The following MAML2 variants were observed in gnomAD, a reference collection of about 807,000 sequenced individuals.
The protein encoded by MAML2 is mastermind-like protein 2.
A neutral mutation model predicts 96.1 loss-of-function variants in MAML2; 22 were observed. The ratio of observed to expected loss-of-function variants is 0.23; its 90% CI spans 0.16 to 0.33. The LOEUF is 0.33. Among genes scored for constraint, MAML2 ranks in the 10% least tolerant of loss-of-function variants. The probability of loss-of-function intolerance (pLI) is 1.00; values close to 1 mark genes in which losing one functional copy is unlikely to be tolerated. For missense variants in MAML2, 1,367 were observed against 1,392.4 expected (o/e 0.98, Z 0.29); for synonymous variants, 561 against 521.3 (o/e 1.08, Z -1.04).
intron 2 of MAML2, among the ~76,000 whole-genome samples, chr11:96,039,363 G>C (rs1220030420): frequency 7.0e-6 from 1 of 143,586 alleles, no homozygotes; most frequent in African/African-American, 2.6e-5. Context: ...ACAGGAGAGG[G>C]GAGGGGGATA....
At chr11:96,297,984 A>T (rs1863326401) in intron 1 of MAML2, among the ~76,000 whole-genome samples, 1 of 152,228 alleles carries the variant, frequency 6.6e-6, no homozygotes, top group African/African-American at 2.4e-5. Flanking sequence ...AGTTGAAATC[A>T]GGATCAAAAT....
At chr11:96,179,081 T>A (rs1185819417) in intron 1 of MAML2, among the ~76,000 whole-genome samples, 2 of 152,196 alleles carry the variant, frequency 1.3e-5, no homozygotes, top group Admixed American at 6.5e-5. Flanking sequence ...TGTGCAAGTG[T>A]CTGTCAAGTC....
At chr11:96,047,607 T>G (rs1858922396) in intron 2 of MAML2, among the ~76,000 whole-genome samples, 1 of 151,920 alleles carries the variant, frequency 6.6e-6, no homozygotes, top group South Asian at 2.1e-4. Context: ...AGAAAAAAAA[T>G]GTAGTTAAAA....
At chr11:96,040,134 C>G (rs1219318810) in intron 2 of MAML2, among the ~76,000 whole-genome samples, 3 of 152,070 alleles carry the variant, frequency 2.0e-5, no homozygotes, top group African/African-American at 4.8e-5. Flanking sequence ...TTTGTTCATT[C>G]ATTATATTAT....
intron 1 of MAML2, among the ~76,000 whole-genome samples, chr11:96,156,561 C>T (rs939453257): frequency 1.6e-4 from 24 of 152,170 alleles, no homozygotes; most frequent in African/African-American, 5.8e-4. Flanking sequence ...CTCATGCTTC[C>T]ATCCTTGACA....
intron 1 of MAML2, among the ~76,000 whole-genome samples, chr11:96,280,311 T>A (rs981028708): frequency 1.8e-4 from 27 of 152,314 alleles, no homozygotes; most frequent in African/African-American, 5.3e-4. Flanking sequence ...CATTTTTTTT[T>A]AAAGTCTTTA....
rs1374818123 is a variant in MAML2, at chr11:95,978,211, TTATA to T, written c.*733_*736del. 1 of 209,516 alleles carries T rather than the reference TTATA, an allele frequency of 4.8e-6. No homozygotes were observed. Among genetic ancestry groups the T allele is most frequent in the South Asian group, 1.9e-4 (1 of 5,318 alleles). The allele number at this position is 209,516 out of a possible 1,614,324, so 13.0% of individuals were successfully genotyped here. Reference sequence around the variant, plus strand: ...TCAGTATGATTAGGACAAGTCTTTGTTATATCTAAAATTTCATTTGGAATGGATT... The same window carrying T: ...TCAGTATGATTAGGACAAGTCTTTGTTCTAAAATTTCATTTGGAATGGATT... On this transcript the variant is annotated 3_prime_UTR_variant, in exon 5 of 5. Transcript: ENST00000524717.
At chr11:96,223,992 C>T (rs1862177224) in intron 1 of MAML2, among the ~76,000 whole-genome samples, 1 of 152,100 alleles carries the variant, frequency 6.6e-6, no homozygotes, top group Non-Finnish European at 1.5e-5. Context: ...ATATTTTATG[C>T]ATAAGGGAAA....
intron 1 of MAML2, among the ~76,000 whole-genome samples, chr11:96,307,888 T>C (rs774157740): frequency 6.6e-6 from 1 of 152,118 alleles, no homozygotes; most frequent in Non-Finnish European, 1.5e-5. Flanking sequence ...GAACTAATAG[T>C]GAACCCAAGG....
chr11:96,288,742 G>A (rs1346902694), intron 1 of MAML2, among the ~76,000 whole-genome samples: 3 of 152,026 alleles, frequency 2.0e-5, no homozygotes, highest in Admixed American at 6.6e-5. Flanking sequence ...AAACACTTGT[G>A]TATTATACAT....
chr11:96,330,442 A>T (rs1863837311), intron 1 of MAML2, among the ~76,000 whole-genome samples: 2 of 152,386 alleles, frequency 1.3e-5, no homozygotes, highest in East Asian at 3.9e-4. Context: ...TAACCAGTCC[A>T]AGATAACACA....
chr11:96,078,240 G>A (rs1859474780), intron 2 of MAML2, among the ~76,000 whole-genome samples: 1 of 152,184 alleles, frequency 6.6e-6, no homozygotes, highest in African/African-American at 2.4e-5. Context: ...GGCTCAATCA[G>A]TGTACACTGA....
chr11:96,254,160 C>T (rs1405239764), intron 1 of MAML2, among the ~76,000 whole-genome samples: 1 of 152,158 alleles, frequency 6.6e-6, no homozygotes, highest in Non-Finnish European at 1.5e-5. Flanking sequence ...AAAACAAAAA[C>T]AGTCATCGGA....
At chr11:96,035,901 T>TA (rs1256152875) in intron 2 of MAML2, among the ~76,000 whole-genome samples, 2 of 152,168 alleles carry the variant, frequency 1.3e-5, no homozygotes, top group Non-Finnish European at 2.9e-5. Flanking sequence ...ACCTCTCTGA[T>TA]ACACGTGCTG....
At chr11:95,990,386 G>A (rs1857891039) in intron 3 of MAML2, among the ~76,000 whole-genome samples, 1 of 152,018 alleles carries the variant, frequency 6.6e-6, no homozygotes, top group African/African-American at 2.4e-5. Flanking sequence ...ACCTTGGCAG[G>A]CATAATATGT....
At chr11:96,015,584 A>AGT (rs1554996033) in intron 2 of MAML2, among the ~76,000 whole-genome samples, 2 of 55,286 alleles carry the variant, frequency 3.6e-5, no homozygotes, top group African/African-American at 5.4e-5. Flanking sequence ...AAAAAAAAAA[A>AGT]GGGGGGGGGG....
At chr11:96,034,432 T>TGTGTGTGAGACAGAGAGA (rs549312275) in intron 2 of MAML2, among the ~76,000 whole-genome samples, 1 of 135,656 alleles carries the variant, frequency 7.4e-6, no homozygotes, top group Non-Finnish European at 1.6e-5. Flanking sequence ...TGTGTGTGTG[T>TGTGTGTGAGACAGAGAGA]GAGAGAGAGA....
chr11:96,167,455 T>C (rs1591050910), intron 1 of MAML2, among the ~76,000 whole-genome samples: 1 of 152,230 alleles, frequency 6.6e-6, no homozygotes, highest in African/African-American at 2.4e-5. Context: ...CTCCCCTGCC[T>C]GAGGAGGCTG....
At chr11:96,316,664 C>T (rs992206010) in intron 1 of MAML2, among the ~76,000 whole-genome samples, 4 of 152,106 alleles carry the variant, frequency 2.6e-5, no homozygotes, top group South Asian at 2.1e-4. Flanking sequence ...TACAGGCTTG[C>T]GTAAGGGGCC....
Sources: gnomAD v4.1 joint callset for allele counts (sites outside exome capture counted in the v4.1 genomes callset) on GRCh38, gnomAD v4.1.1 for gene constraint, MANE v1.5 for transcripts, NCBI Gene and HGNC (gene_info 2026-07-23, HGNC 2026-07-21) for gene names.